IQCH: variants seen among roughly 807,000 people sequenced by gnomAD.
IQCH encodes the protein IQ motif containing H, also known as IQ domain-containing protein H.
IQCH carries 98 observed loss-of-function variants against 117.0 expected under a neutral mutation model. The observed-to-expected ratio is 0.84, with a 90% CI of 0.71 to 0.99. The LOEUF is 0.99. Ranked by LOEUF, IQCH falls within the 50% of genes least tolerant of loss-of-function variation. The pLI, the probability that IQCH is intolerant of heterozygous loss-of-function variation, is 0.00. For missense variants in IQCH, 1,102 were observed against 1,243.8 expected (o/e 0.89, Z 1.72); for synonymous variants, 412 against 448.2 (o/e 0.92, Z 1.02).
intron 6 of IQCH, among the ~76,000 whole-genome samples, chr15:67,345,697 C>A (rs1969357007): frequency 6.6e-6 from 1 of 152,184 alleles, no homozygotes; most frequent in South Asian, 2.1e-4. Context: ...GACAAACTGT[C>A]ACAGACCAGA....
rs2083151627 is a variant in IQCH, at chr15:67,474,394, G to C, written c.2677-1302G>C. On this transcript the variant is annotated intron_variant, in intron 17 of 20. Coordinates refer to ENST00000335894, the MANE Select transcript of IQCH (RefSeq NM_001031715.3). This position sits in a 1 kb window ranked among gnomAD's most constrained non-coding sequence, Gnocchi z 4.1. ...GCACCTTTATCTTCTATGCCCTAAGGTTGGCCATGGCCCTATATGCAGTTC... is the reference window on the plus strand; with the variant it reads ...GCACCTTTATCTTCTATGCCCTAAGCTTGGCCATGGCCCTATATGCAGTTC... 6.6e-6 allele frequency among the ~76,000 whole-genome samples: 1 copy of C among 152,092 alleles called. No homozygotes were observed. The highest frequency in any genetic ancestry group is 1.5e-5 in the Non-Finnish European group (1 of 68,016).
At chr15:67,414,237 C>T (rs1051812392) in intron 14 of IQCH, among the ~76,000 whole-genome samples, 1 of 152,208 alleles carries the variant, frequency 6.6e-6, no homozygotes, top group Non-Finnish European at 1.5e-5. Flanking sequence ...TTACCACCAT[C>T]GTGACTCATT....
intron 4 of IQCH, chr15:67,281,567 A>G (rs1966357955): frequency 5.2e-6 from 2 of 381,170 alleles, no homozygotes; most frequent in Non-Finnish European, 1.0e-5. Flanking sequence ...TTCAGAGAGA[A>G]TAGATGGCAA....
Position 67,433,660 on chromosome 15 carries a change from G to C in IQCH, c.2505+12083G>C, listed in dbSNP as rs1016598701. The stretch of plus-strand genomic sequence containing the variant: ...CTTTAACTTGAATCACCAGAAACAT[G>C]GCCAGGGCGAGGAAAATCTGGACAC... On this transcript the variant is annotated intron_variant, in intron 16 of 20. Transcript: ENST00000335894. This position sits in a 1 kb window ranked among gnomAD's most constrained non-coding sequence, Gnocchi z 5.4. Among the ~76,000 whole-genome samples, 5 of 152,140 alleles carry C rather than the reference G, an allele frequency of 3.3e-5. No individual in the cohort carries two copies. Among genetic ancestry groups the C allele is most frequent in the African/African-American group, 1.2e-4 (5 of 41,426 alleles).
chr15:67,384,929 CT>C lies in IQCH; in HGVS notation c.1373-3del. 1.3e-6 allele frequency: 2 copies of C among 1,596,454 alleles called. No individual in the cohort carries two copies. The highest frequency in any genetic ancestry group is 1.7e-6 in the Non-Finnish European group (2 of 1,164,492). Reference sequence around the variant, plus strand: ...TTCTGTGTTTTGACACCTTGTTTGCCTTTTAGGGTATTCCCAGCCTGTGAGA... The same window carrying C: ...TTCTGTGTTTTGACACCTTGTTTGCCTTTAGGGTATTCCCAGCCTGTGAGA... On this transcript the variant is annotated splice_polypyrimidine_tract_variant and splice_region_variant and intron_variant, in intron 10 of 20. Transcript: ENST00000335894. The surrounding 1 kb of genome is among the most constrained non-coding windows in gnomAD (Gnocchi z 4.3).
chr15:67,453,931 G>A lies in IQCH; in HGVS notation c.2506-11196G>A, dbSNP rs765424404. ...ATCAAACAACTAACTCGGCAATGGC[G>A]GGCACCCCTCCCCCAGCCTCGCTGC... is the stretch of plus-strand genomic sequence containing the variant. On this transcript the variant is annotated intron_variant, in intron 16 of 20. Coordinates refer to ENST00000335894, the MANE Select transcript of IQCH (RefSeq NM_001031715.3). This position sits in a 1 kb window ranked among gnomAD's most constrained non-coding sequence, Gnocchi z 5.8. 6.6e-4 allele frequency among the ~76,000 whole-genome samples: 101 copies of A among 152,316 alleles called. No individual in the cohort carries two copies. Among genetic ancestry groups the A allele is most frequent in the Non-Finnish European group, 5.1e-4 (35 of 68,022 alleles).
chr15:67,358,275 A>G (rs1156679661), intron 7 of IQCH, among the ~76,000 whole-genome samples: 1 of 125,692 alleles, frequency 8.0e-6, no homozygotes, highest in Non-Finnish European at 1.6e-5. Flanking sequence ...GCTCACTGCA[A>G]CCTCTGGCTC....
rs1567173034 is a variant in IQCH at position 67,419,919 on chromosome 15, A to C, written c.2219-1372A>C. 2.6e-5 allele frequency among the ~76,000 whole-genome samples: 4 copies of C among 152,270 alleles called. No homozygotes were observed. In the South Asian group the frequency reaches 8.3e-4, roughly 31 times the overall value. On this transcript the variant is annotated intron_variant, in intron 15 of 20. Coordinates refer to ENST00000335894, the MANE Select transcript of IQCH (RefSeq NM_001031715.3). The stretch of plus-strand genomic sequence containing the variant: ...AGTAATCTTGTAAGTTATGAATGAT[A>C]GTGTGTTTCCACTGAAGCACTATCT...
rs186244162 is a variant in IQCH, at chr15:67,372,405, G to A, written c.1048G>A (p.Ala350Thr). 8.6e-5 allele frequency: 139 copies of A among 1,614,110 alleles called. No individual in the cohort carries two copies. The Admixed American group carries it at 2.3e-3, about 27-fold the overall frequency. The change falls in exon 9 of 21, where the codon GCT (alanine) becomes ACT (threonine). Residue 350 changes from alanine (A) to threonine (T), a missense_variant. Transcript: ENST00000335894. ...CCTTCTCTCAGTGTTAGAGGACCCA[G>A]CTCATGTCCAAATGCTGATAAATCT... Reference protein sequence around the residue: ...YDLLSVLEDPAHVQMLINLPG... With the variant: ...YDLLSVLEDPTHVQMLINLPG...
Position 67,430,861 on chromosome 15 carries a change from T to C in IQCH, c.2505+9284T>C, listed in dbSNP as rs2082004571. 6.6e-6 allele frequency among the ~76,000 whole-genome samples: 1 copy of C among 152,042 alleles called. No individual in the cohort carries two copies. Among genetic ancestry groups the C allele is most frequent in the Non-Finnish European group, 1.5e-5 (1 of 68,020 alleles). Reference sequence around the variant, plus strand: ...TAGTTGGGAAGATAGGCTTGAAAAATGAGTAGCAAGGAAAGGCTTAAGTGA... The same window carrying C: ...TAGTTGGGAAGATAGGCTTGAAAAACGAGTAGCAAGGAAAGGCTTAAGTGA... On this transcript the variant is annotated intron_variant, in intron 16 of 20. Transcript: ENST00000335894. The surrounding 1 kb of genome is among the most constrained non-coding windows in gnomAD (Gnocchi z 5.1).
intron 6 of IQCH, among the ~76,000 whole-genome samples, chr15:67,357,012 C>A (rs1026017313): frequency 4.6e-5 from 7 of 152,144 alleles, no homozygotes; most frequent in African/African-American, 1.7e-4. Context: ...TTAAAGAAAT[C>A]TTCTAACAAA....
At chr15:67,320,021 C>T (rs934517937) in intron 4 of IQCH, among the ~76,000 whole-genome samples, 2 of 152,150 alleles carry the variant, frequency 1.3e-5, no homozygotes, top group Admixed American at 6.5e-5. Context: ...GAACTGTAAG[C>T]GCTCCTAGCC....
intron 4 of IQCH, among the ~76,000 whole-genome samples, chr15:67,298,322 G>T (rs1229889953): frequency 2.3e-5 from 3 of 132,270 alleles, no homozygotes; most frequent in Non-Finnish European, 5.0e-5. Context: ...AAAAAAAAAA[G>T]ATCTGAATTG....
rs1374790780 is a variant in IQCH, at chr15:67,369,968, G to T, written c.754-2143G>T. Among the ~76,000 whole-genome samples, 1 of 152,178 alleles carries T rather than the reference G, an allele frequency of 6.6e-6. No homozygotes were observed. The highest frequency in any genetic ancestry group is 1.9e-4 in the East Asian group (1 of 5,206). On this transcript the variant is annotated intron_variant, in intron 8 of 20. Coordinates refer to ENST00000335894, the MANE Select transcript of IQCH (RefSeq NM_001031715.3). This position sits in a 1 kb window ranked among gnomAD's most constrained non-coding sequence, Gnocchi z 5.2. ...GTCCAGGAGTATGTTTCCTTTGAGAGCAGGTCTTTGCTGGAATATCATCCA... is the reference window on the plus strand; with the variant it reads ...GTCCAGGAGTATGTTTCCTTTGAGATCAGGTCTTTGCTGGAATATCATCCA...
chr15:67,499,131 C>A (rs969975130), intron 20 of IQCH, among the ~76,000 whole-genome samples: 1 of 151,600 alleles, frequency 6.6e-6, no homozygotes, highest in Admixed American at 6.6e-5. Context: ...ACCTCATCTC[C>A]ACGAAAACTT....
rs532097509 is a variant in IQCH at position 67,422,180 on chromosome 15, G to A, written c.2505+603G>A. On this transcript the variant is annotated intron_variant, in intron 16 of 20. Coordinates refer to ENST00000335894, the MANE Select transcript of IQCH (RefSeq NM_001031715.3). The surrounding 1 kb of genome is among the most constrained non-coding windows in gnomAD (Gnocchi z 4.7). ...ATTAGGCCCTCAATTCTGTCCATTA[G>A]TGTTATCCCTATGTATCATGAAACT... Among the ~76,000 whole-genome samples the A allele has an allele frequency of 1.3e-5, 2 of 152,010 alleles. No individual in the cohort carries two copies. Among genetic ancestry groups the A allele is most frequent in the African/African-American group, 2.4e-5 (1 of 41,466 alleles).
intron 4 of IQCH, among the ~76,000 whole-genome samples, chr15:67,307,847 A>G (rs1967379323): frequency 6.6e-6 from 1 of 152,154 alleles, no homozygotes; most frequent in Non-Finnish European, 1.5e-5. Context: ...CTCAGATGAC[A>G]AAGAGGGAAC....
intron 16 of IQCH, among the ~76,000 whole-genome samples, chr15:67,451,114 C>T (rs1236472101): frequency 6.6e-6 from 1 of 151,952 alleles, no homozygotes; most frequent in Non-Finnish European, 1.5e-5. Context: ...TCTTCTCTCT[C>T]TTCTTCTTTA....
chr15:67,325,265 T>C (rs1176666442), intron 4 of IQCH, among the ~76,000 whole-genome samples: 1 of 152,176 alleles, frequency 6.6e-6, no homozygotes, highest in East Asian at 1.9e-4. Flanking sequence ...AGTCCTCTTT[T>C]ATATACATTT....
Sources: allele counts gnomAD v4.1 joint callset (sites outside exome capture counted in the v4.1 genomes callset), GRCh38; gene constraint gnomAD v4.1.1; non-coding constraint Gnocchi (gnomAD v3.1); transcripts MANE v1.5; gene names NCBI Gene and HGNC (gene_info 2026-07-23, HGNC 2026-07-21).